FUT8: variants seen among roughly 807,000 people sequenced by gnomAD.
FUT8 encodes the protein fucosyltransferase 8, also known as alpha-(1,6)-fucosyltransferase.
A neutral mutation model predicts 71.3 loss-of-function variants in FUT8; 29 were observed. The ratio of observed to expected loss-of-function variants is 0.41; its 90% CI spans 0.30 to 0.55. The LOEUF (loss-of-function observed/expected upper bound fraction) is 0.55, where lower values mean the gene tolerates loss of function less well. FUT8 is among the 20% of genes least tolerant of loss of function. The pLI is 0.34. For synonymous variants in FUT8, 254 were observed against 239.3 expected (o/e 1.06, Z -0.57); for missense variants, 544 against 702.1 (o/e 0.77, Z 2.55).
intron 2 of FUT8, among the ~76,000 whole-genome samples, chr14:65,539,005 C>A (rs928731550): frequency 2.0e-5 from 3 of 152,130 alleles, no homozygotes; most frequent in African/African-American, 7.2e-5. Context: ...AAAAATTGTT[C>A]CCCTTTAATT....
At chr14:65,617,141 T>C (rs770068884) in intron 5 of FUT8, 13 of 1,594,834 alleles carry the variant, frequency 8.2e-6, no homozygotes, top group Non-Finnish European at 1.1e-5. Flanking sequence ...GAAAAATTGT[T>C]GTATTAGCAC....
In FUT8 at chr14:65,600,088, T is replaced by G. The variant is rs1888218626; in HGVS notation, c.204-15890T>G. On this transcript the variant is annotated intron_variant, in intron 3 of 10. Coordinates refer to ENST00000673929, the MANE Select transcript of FUT8 (RefSeq NM_001371533.1). ...GATAAACAGGATTAGTATTGTACACTTTAGCCAAGTAAACGTAGAATAATG... is the reference window on the plus strand; with the variant it reads ...GATAAACAGGATTAGTATTGTACACGTTAGCCAAGTAAACGTAGAATAATG... 1.3e-5 allele frequency among the ~76,000 whole-genome samples: 2 copies of G among 152,200 alleles called. 1 individual carries two copies. Among genetic ancestry groups the G allele is most frequent in the South Asian group, 4.1e-4 (2 of 4,832 alleles).
intron 6 of FUT8, among the ~76,000 whole-genome samples, chr14:65,646,757 C>G (rs965351831): frequency 1.3e-5 from 2 of 151,984 alleles, no homozygotes; most frequent in Non-Finnish European, 2.9e-5. Flanking sequence ...GGGTAGATTA[C>G]CAAATGAGAA....
chr14:65,724,084 T>C (rs1371820162), intron 8 of FUT8, 63 bp from the exon 9 acceptor site: 10 of 1,280,126 alleles, frequency 7.8e-6, no homozygotes, highest in East Asian at 5.3e-5. Context: ...GGGGTATAAA[T>C]TGAGTACCCT....
At chr14:65,732,635 A>T (rs1168554729) in intron 9 of FUT8, among the ~76,000 whole-genome samples, 2 of 152,222 alleles carry the variant, frequency 1.3e-5, no homozygotes, top group African/African-American at 2.4e-5. Context: ...TTCCATAAAT[A>T]TTAGAATGGG....
intron 1 of FUT8, among the ~76,000 whole-genome samples, chr14:65,423,668 C>G (rs757168382): frequency 6.6e-6 from 1 of 152,198 alleles, no homozygotes; most frequent in Non-Finnish European, 1.5e-5. Context: ...AAAACTCTTT[C>G]TAAAATTATC....
chr14:65,650,297 T>TC (rs1286158910), intron 6 of FUT8, among the ~76,000 whole-genome samples: 2 of 7,360 alleles, frequency 2.7e-4, no homozygotes, highest in Non-Finnish European at 7.0e-4. Context: ...AGACTCTGTC[T>TC]CAAAAAAAAA....
At chr14:65,653,303 C>A (rs991318399) in intron 6 of FUT8, among the ~76,000 whole-genome samples, 1 of 152,112 alleles carries the variant, frequency 6.6e-6, no homozygotes. Flanking sequence ...ATCAGATTGA[C>A]CATCTCGATG....
intron 7 of FUT8, among the ~76,000 whole-genome samples, chr14:65,691,114 T>TG (rs1242908346): frequency 1.3e-5 from 2 of 151,112 alleles, no homozygotes; most frequent in African/African-American, 4.9e-5. Flanking sequence ...CTGGTTTTTT[T>TG]GGGGGGTGGA....
intron 7 of FUT8, among the ~76,000 whole-genome samples, chr14:65,693,795 A>G (rs2140452377): frequency 6.6e-6 from 1 of 152,350 alleles, no homozygotes; most frequent in East Asian, 1.9e-4. Context: ...GTTTAGTAGA[A>G]TTCACCAGTG....
At chr14:65,462,360 C>T (rs1420961403) in intron 2 of FUT8, among the ~76,000 whole-genome samples, 1 of 152,182 alleles carries the variant, frequency 6.6e-6, no homozygotes, top group Admixed American at 6.5e-5. Context: ...GGAAGAAGAG[C>T]ATTCTTCAGG....
chr14:65,431,637 C>T (rs1411450208), intron 1 of FUT8, among the ~76,000 whole-genome samples: 1 of 146,288 alleles, frequency 6.8e-6, no homozygotes, highest in South Asian at 2.2e-4. Context: ...TTCCAGTGTA[C>T]TGCTCTTAGA....
At chr14:65,512,485 G>A (rs904725328) in intron 2 of FUT8, among the ~76,000 whole-genome samples, 7 of 152,136 alleles carry the variant, frequency 4.6e-5, no homozygotes, top group Non-Finnish European at 1.0e-4. Flanking sequence ...GATCTTATGG[G>A]ACCACTCATA....
At chr14:65,365,783 A>T in the FUT8 span, among the ~76,000 whole-genome samples, 1 of 152,218 alleles carries the variant, frequency 6.6e-6, no homozygotes. Context: ...ATGGGCAACC[A>T]GAAGCCCTTG....
At chr14:65,689,934 C>G (rs970785970) in intron 7 of FUT8, among the ~76,000 whole-genome samples, 1 of 152,038 alleles carries the variant, frequency 6.6e-6, no homozygotes, top group Non-Finnish European at 1.5e-5. Flanking sequence ...ATTGCCAAAT[C>G]CACAGTCACC....
At chr14:65,592,434 A>AG (rs1472486989) in intron 3 of FUT8, among the ~76,000 whole-genome samples, 1 of 152,028 alleles carries the variant, frequency 6.6e-6, no homozygotes, top group Non-Finnish European at 1.5e-5. Context: ...CTAGCTAGCT[A>AG]GCTACCTACG....
intron 2 of FUT8, among the ~76,000 whole-genome samples, chr14:65,534,136 T>C (rs915426862): frequency 1.3e-5 from 2 of 151,990 alleles, no homozygotes; most frequent in African/African-American, 2.4e-5. Flanking sequence ...TTTGTCTTTG[T>C]TTTTTGAGCC....
the FUT8 span, among the ~76,000 whole-genome samples, chr14:65,381,723 C>T: frequency 1.2e-4 from 18 of 152,264 alleles, no homozygotes; most frequent in East Asian, 9.6e-4. Flanking sequence ...AATTTTGATG[C>T]CACCCACCCC....
intron 7 of FUT8, among the ~76,000 whole-genome samples, chr14:65,685,409 A>C (rs931253246): frequency 1.3e-5 from 2 of 152,150 alleles, no homozygotes; most frequent in East Asian, 1.9e-4. Flanking sequence ...CAAAAAATTA[A>C]TTTTCCTTCA....
Sources: gnomAD v4.1 joint callset for allele counts (sites outside exome capture counted in the v4.1 genomes callset) on GRCh38, gnomAD v4.1.1 for gene constraint, MANE v1.5 for transcripts, NCBI Gene and HGNC (gene_info 2026-07-23, HGNC 2026-07-21) for gene names.